PKIB: variants seen among roughly 807,000 people sequenced by gnomAD.
PKIB encodes cAMP-dependent protein kinase inhibitor beta.
Under a neutral mutation model 4.5 loss-of-function variants are expected in PKIB, and 2 were observed. The observed-to-expected ratio is 0.44, with a 90% confidence interval of 0.18 to 1.39. PKIB has a LOEUF of 1.39. Among genes scored for constraint, PKIB ranks in the 40% most tolerant of loss-of-function variants. The pLI is 0.27. For missense variants in PKIB, 94 were observed against 92.6 expected, an observed-to-expected ratio of 1.02 and a Z score of -0.06; for synonymous variants, 38 against 36.0, an observed-to-expected ratio of 1.06 and a Z score of -0.20.
At chr6:122,724,804 G>A (rs1182101988) in intron 4 of PKIB, among the ~76,000 whole-genome samples, 2 of 152,128 alleles carry the variant, frequency 1.3e-5, no homozygotes, top group Admixed American at 1.3e-4. Context: ...CCAAGCTCAA[G>A]TTGTGACTGT....
intron 2 of PKIB, among the ~76,000 whole-genome samples, chr6:122,575,028 A>G (rs920096030): frequency 1.3e-5 from 2 of 152,160 alleles, no homozygotes; most frequent in East Asian, 3.8e-4. Context: ...CAGAATCTAC[A>G]AGGAACTCAA....
intron 2 of PKIB, among the ~76,000 whole-genome samples, chr6:122,555,393 T>C (rs1187486907): frequency 2.6e-5 from 4 of 152,110 alleles, no homozygotes. Flanking sequence ...ATAAAAACAG[T>C]TGGAAGTAAT....
At chr6:122,571,342 A>G (rs1168189015) in intron 2 of PKIB, among the ~76,000 whole-genome samples, 1 of 152,238 alleles carries the variant, frequency 6.6e-6, no homozygotes, top group East Asian at 1.9e-4. Flanking sequence ...GGAATAATTG[A>G]GGAAAACTTC....
At chr6:122,513,233 T>G (rs1776642812) in intron 2 of PKIB, among the ~76,000 whole-genome samples, 1 of 152,284 alleles carries the variant, frequency 6.6e-6, no homozygotes, top group South Asian at 2.1e-4. Flanking sequence ...CCACACCATT[T>G]AGGCCAGGCT....
chr6:122,495,114 C>T (rs1202062290), intron 2 of PKIB, among the ~76,000 whole-genome samples: 3 of 152,186 alleles, frequency 2.0e-5, no homozygotes, highest in Non-Finnish European at 4.4e-5. Context: ...GCACAGTGGC[C>T]CTGCCCCCAA....
chr6:122,554,691 T>C lies in PKIB; in HGVS notation c.-247-31230T>C, dbSNP rs967647761. Among the ~76,000 whole-genome samples, 4 of 152,296 alleles carry C rather than the reference T, an allele frequency of 2.6e-5. 1 individual carries two copies. The Middle Eastern group carries it at 0.01, about 389-fold the overall frequency. On this transcript the variant is annotated intron_variant, in intron 2 of 6. Coordinates refer to the PKIB transcript ENST00000392491. ...ATTATTCAGGGGTAAGTATATAACC[T>C]GAACAGAGTAAACTTTAAAGAGATC...
chr6:122,704,671 A>G (rs1473315899), intron 3 of PKIB, among the ~76,000 whole-genome samples: 2 of 152,092 alleles, frequency 1.3e-5, no homozygotes, highest in East Asian at 1.9e-4. Context: ...ATGCTAAGGT[A>G]TTTAGATATG....
chr6:122,676,299 G>A (rs1777670127), intron 3 of PKIB, among the ~76,000 whole-genome samples: 2 of 152,070 alleles, frequency 1.3e-5, no homozygotes, highest in Admixed American at 1.3e-4. Context: ...AGGAGGCAGA[G>A]CTCAAGTGGT....
At chr6:122,619,080 G>A (rs1184689183) in intron 1 of PKIB, among the ~76,000 whole-genome samples, 1 of 152,006 alleles carries the variant, frequency 6.6e-6, no homozygotes, top group Non-Finnish European at 1.5e-5. Flanking sequence ...TTCTTTGCCT[G>A]TTTTTTCAAT....
chr6:122,556,112 A>T (rs939382183), intron 2 of PKIB, among the ~76,000 whole-genome samples: 3 of 152,184 alleles, frequency 2.0e-5, no homozygotes, highest in East Asian at 3.9e-4. Flanking sequence ...CAGTTCCTCC[A>T]TGCTCTTCTC....
chr6:122,715,902 G>A (rs1183968071), intron 3 of PKIB, among the ~76,000 whole-genome samples: 1 of 152,012 alleles, frequency 6.6e-6, no homozygotes, highest in Non-Finnish European at 1.5e-5. Context: ...TAGCAGCTGT[G>A]CAACTTTAAA....
At chr6:122,530,682 C>A (rs538327703) in intron 2 of PKIB, among the ~76,000 whole-genome samples, 1 of 152,270 alleles carries the variant, frequency 6.6e-6, no homozygotes, top group South Asian at 2.1e-4. Context: ...GCCTAACATG[C>A]TACTAGCCTC....
intron 1 of PKIB, among the ~76,000 whole-genome samples, chr6:122,472,759 ATTC>A (rs1258826202): frequency 2.6e-5 from 4 of 152,186 alleles, no homozygotes; most frequent in East Asian, 1.9e-4. Flanking sequence ...ATCTTGCTTT[ATTC>A]TTCTTTGCCT....
intron 2 of PKIB, among the ~76,000 whole-genome samples, chr6:122,565,844 C>T (rs964528006): frequency 6.6e-6 from 1 of 152,120 alleles, no homozygotes; most frequent in Non-Finnish European, 1.5e-5. Flanking sequence ...CTGAAAAGGC[C>T]AAGGGTAGCC....
chr6:122,688,042 G>A (rs1444186302), intron 3 of PKIB, among the ~76,000 whole-genome samples: 1 of 152,062 alleles, frequency 6.6e-6, no homozygotes, highest in African/African-American at 2.4e-5. Flanking sequence ...GATCTTAGAG[G>A]AAAGGCTTTC....
chr6:122,541,337 T>C (rs926830985), intron 2 of PKIB, among the ~76,000 whole-genome samples: 5 of 151,990 alleles, frequency 3.3e-5, no homozygotes, highest in Non-Finnish European at 5.9e-5. Flanking sequence ...TTCCTTTCCA[T>C]GTTTAGTGCT....
chr6:122,650,232 C>A (rs1776496128), intron 2 of PKIB, among the ~76,000 whole-genome samples: 1 of 151,998 alleles, frequency 6.6e-6, no homozygotes, highest in African/African-American at 2.4e-5. Flanking sequence ...AGGTGGCAGG[C>A]CCTACACAGA....
At chr6:122,663,626 G>A (rs1262514498) in intron 2 of PKIB, among the ~76,000 whole-genome samples, 1 of 152,128 alleles carries the variant, frequency 6.6e-6, no homozygotes, top group African/African-American at 2.4e-5. Flanking sequence ...GCTGGTAGAT[G>A]TGTCCCTCCT....
At chr6:122,714,713 A>G (rs1170036000) in intron 3 of PKIB, among the ~76,000 whole-genome samples, 3 of 152,158 alleles carry the variant, frequency 2.0e-5, no homozygotes, top group Non-Finnish European at 4.4e-5. Context: ...TGCAGAAAAG[A>G]TAACTATTGG....
Sources: gnomAD v4.1 joint callset for allele counts (sites outside exome capture counted in the v4.1 genomes callset) on GRCh38, gnomAD v4.1.1 for gene constraint, MANE v1.5 for transcripts, NCBI Gene and HGNC (gene_info 2026-07-23, HGNC 2026-07-21) for gene names.